The following TIAM1 variants were observed in gnomAD, a reference collection of about 807,000 sequenced individuals.
TIAM1 encodes the protein rho guanine nucleotide exchange factor TIAM1.
Under a neutral mutation model 163.5 loss-of-function variants are expected in TIAM1, and 65 were observed. That is an observed-to-expected ratio of 0.40 (90% confidence interval 0.33 to 0.49). The LOEUF (loss-of-function observed/expected upper bound fraction) is 0.49, where lower values mean the gene tolerates loss of function less well. TIAM1 is among the 20% of genes least tolerant of loss of function. The probability of loss-of-function intolerance (pLI) is 0.77; values close to 1 mark genes in which losing one functional copy is unlikely to be tolerated. For synonymous variants in TIAM1, 833 were observed against 810.1 expected (o/e 1.03, Z -0.48); for missense variants, 1,789 against 2,044.7 (o/e 0.87, Z 2.41).
At chr21:31,441,885 C>CAA (rs35501898) in intron 2 of TIAM1, among the ~76,000 whole-genome samples, 87,104 of 127,628 alleles carry the variant, frequency 0.68, 30,013 homozygotes, top group South Asian at 0.8. Context: ...CCCATGTTTA[C>CAA]AAAAAAAAAA....
chr21:31,140,522 A>G (rs1382413658), intron 22 of TIAM1, among the ~76,000 whole-genome samples: 2 of 152,230 alleles, frequency 1.3e-5, no homozygotes, highest in South Asian at 2.1e-4. Flanking sequence ...AGATCAGAGC[A>G]ATTAACTTAT....
intron 16 of TIAM1, among the ~76,000 whole-genome samples, chr21:31,162,146 T>C (rs725681): frequency 0.13 from 19,079 of 152,160 alleles, 3,313 homozygotes; most frequent in African/African-American, 0.38. Context: ...GTTTGCATCC[T>C]GGTTTTGTCA....
chr21:31,407,915 G>A (rs989629637), intron 2 of TIAM1, among the ~76,000 whole-genome samples: 1 of 152,114 alleles, frequency 6.6e-6, no homozygotes, highest in South Asian at 2.1e-4. Flanking sequence ...TAGGATAACA[G>A]GCGTCAGCCA....
intron 6 of TIAM1, among the ~76,000 whole-genome samples, chr21:31,232,034 A>T (rs957827197): frequency 1.3e-5 from 2 of 152,102 alleles, no homozygotes; most frequent in African/African-American, 2.4e-5. Flanking sequence ...AGTTCTGGCG[A>T]TGAATAATGG....
At chr21:31,436,415 T>G (rs529044534) in intron 2 of TIAM1, among the ~76,000 whole-genome samples, 14 of 152,090 alleles carry the variant, frequency 9.2e-5, no homozygotes, top group Non-Finnish European at 1.5e-4. Flanking sequence ...AGGCAGGCAG[T>G]CAGCAGTTTG....
At chr21:31,182,804 C>A (rs2085097550) in intron 14 of TIAM1, among the ~76,000 whole-genome samples, 159 bp from the exon 15 acceptor site, 1 of 152,218 alleles carries the variant, frequency 6.6e-6, no homozygotes, top group Admixed American at 6.5e-5. Context: ...CAGGAGAGGA[C>A]AGGGGCCTCA....
intron 2 of TIAM1, among the ~76,000 whole-genome samples, chr21:31,434,043 C>A (rs2044129498): frequency 6.6e-6 from 1 of 152,108 alleles, no homozygotes; most frequent in Admixed American, 6.6e-5. Context: ...AGCGATCCAC[C>A]CACCTCGGCC....
intron 2 of TIAM1, among the ~76,000 whole-genome samples, chr21:31,418,010 T>C (rs184299258): frequency 1.6e-4 from 25 of 152,094 alleles, no homozygotes; most frequent in African/African-American, 2.9e-4. Flanking sequence ...TTCGGGGCAA[T>C]TGGAAAGGCC....
chr21:31,433,217 T>C (rs1269514056), intron 2 of TIAM1, among the ~76,000 whole-genome samples: 1 of 152,198 alleles, frequency 6.6e-6, no homozygotes, highest in Non-Finnish European at 1.5e-5. Context: ...GATCCTAGCC[T>C]TTAAAAAGTA....
intron 1 of TIAM1, among the ~76,000 whole-genome samples, chr21:31,529,071 A>G (rs896807792): frequency 2.6e-5 from 4 of 151,218 alleles, no homozygotes; most frequent in Admixed American, 1.3e-4. Flanking sequence ...ACAGGCGCCC[A>G]CCATGCCCAG....
At chr21:31,226,954 T>G (rs983966947) in intron 6 of TIAM1, among the ~76,000 whole-genome samples, 5 of 92,852 alleles carry the variant, frequency 5.4e-5, no homozygotes, top group African/African-American at 8.3e-5. Flanking sequence ...AATTCTGTGT[T>G]TTTTTTTTTT....
intron 11 of TIAM1, among the ~76,000 whole-genome samples, chr21:31,208,334 C>T (rs1445376089): frequency 1.3e-5 from 2 of 152,170 alleles, no homozygotes; most frequent in Non-Finnish European, 1.5e-5. Context: ...TCTGGAAACA[C>T]CTTCCAGAGT....
chr21:31,350,708 A>G (rs924826526), intron 2 of TIAM1, among the ~76,000 whole-genome samples: 1 of 152,212 alleles, frequency 6.6e-6, no homozygotes, highest in African/African-American at 2.4e-5. Context: ...CCAGAAGCCA[A>G]GCAGATGCCA....
intron 2 of TIAM1, among the ~76,000 whole-genome samples, chr21:31,328,604 A>C (rs1349196210): frequency 6.6e-6 from 1 of 151,412 alleles, no homozygotes; most frequent in Non-Finnish European, 1.5e-5. Context: ...CAGGTTGGTT[A>C]CACAGGTATA....
chr21:31,173,384 A>G (rs559415443), intron 15 of TIAM1, among the ~76,000 whole-genome samples: 2 of 152,326 alleles, frequency 1.3e-5, no homozygotes, highest in African/African-American at 2.4e-5. Flanking sequence ...CTCAACTGTT[A>G]GGATATAATT....
intron 2 of TIAM1, among the ~76,000 whole-genome samples, chr21:31,430,223 AAAAT>A (rs1274120913): frequency 1.8e-3 from 181 of 97,970 alleles, no homozygotes; most frequent in African/African-American, 9.1e-3. Flanking sequence ...AAAAAAAAAA[AAAAT>A]ATATATATAT....
chr21:31,229,191 A>G (rs2088248614), intron 6 of TIAM1, among the ~76,000 whole-genome samples: 1 of 152,128 alleles, frequency 6.6e-6, no homozygotes, highest in Non-Finnish European at 1.5e-5. Flanking sequence ...GAATCTGGTA[A>G]GAAGCACAGT....
At chr21:31,443,735 A>G (rs1030018368) in intron 2 of TIAM1, among the ~76,000 whole-genome samples, 2 of 152,210 alleles carry the variant, frequency 1.3e-5, no homozygotes, top group Admixed American at 1.3e-4. Context: ...TTAGAGGCAA[A>G]AAGAATCATA....
chr21:31,342,479 T>C (rs1000703041), intron 1 of TIAM1, among the ~76,000 whole-genome samples: 1 of 152,260 alleles, frequency 6.6e-6, no homozygotes, highest in Non-Finnish European at 1.5e-5. Context: ...AACAGTCACA[T>C]GTGACAATAT....
Sources: allele counts gnomAD v4.1 joint callset (sites outside exome capture counted in the v4.1 genomes callset), GRCh38; gene constraint gnomAD v4.1.1; transcripts MANE v1.5; gene names NCBI Gene and HGNC (gene_info 2026-07-23, HGNC 2026-07-21).